Variants in LGALS1 observed in about 807,000 individuals in gnomAD.
The protein encoded by LGALS1 is galectin-1.
Under a neutral mutation model 14.4 loss-of-function variants are expected in LGALS1, and 14 were observed. The ratio of observed to expected loss-of-function variants is 0.97; its 90% CI spans 0.64 to 1.52. The LOEUF is 1.52. LGALS1 is among the 40% of genes most tolerant of loss of function. The probability of loss-of-function intolerance (pLI) is 0.00; values close to 1 mark genes in which losing one functional copy is unlikely to be tolerated. For missense variants in LGALS1, 170 were observed against 181.4 expected (o/e 0.94, Z 0.36); for synonymous variants, 71 against 73.4 (o/e 0.97, Z 0.17).
rs369951070 is a variant in LGALS1, at chr22:37,679,773, A to G, written c.*24A>G. On this transcript the variant is annotated 3_prime_UTR_variant, in exon 4 of 4. Coordinates refer to ENST00000215909, the MANE Select transcript of LGALS1 (RefSeq NM_002305.4). ...GAAATCAGCCAGCCCATGGCCCCCA[A>G]TAAAGGCAGCTGCCTCTGCTCCCTC... 7.2e-5 allele frequency: 112 copies of G among 1,565,390 alleles called. No homozygotes were observed. Among genetic ancestry groups the G allele is most frequent in the Middle Eastern group, 6.7e-4 (4 of 5,942 alleles).
chr22:37,678,167 G>A (rs777026840), intron 2 of LGALS1, among the ~76,000 whole-genome samples: 2 of 152,228 alleles, frequency 1.3e-5, no homozygotes, highest in Non-Finnish European at 1.5e-5. Context: ...GCTGGGCACC[G>A]GGAATACAGA....
intron 3 of LGALS1, among the ~76,000 whole-genome samples, 154 bp downstream of exon 3, chr22:37,678,808 C>G (rs1921531108): frequency 6.6e-6 from 1 of 152,110 alleles, no homozygotes; most frequent in Non-Finnish European, 1.5e-5. Context: ...CTCTTTGAAC[C>G]TCAGTGGTTG....
rs1373447191 is a variant in LGALS1 at position 37,676,819 on chromosome 22, T to C, written c.10-167T>C. On this transcript the variant is annotated intron_variant, in intron 1 of 3. Transcript: ENST00000215909. ...GACTTTCCCAGGACCACATAGACAA[T>C]CGGAGGCTGGAAATTACAGCTCAAT... 1.4e-5 allele frequency: 10 copies of C among 738,822 alleles called. No individual in the cohort carries two copies. In the East Asian group the frequency reaches 2.7e-4, roughly 20 times the overall value. The allele number at this position is 738,822 out of a possible 1,614,324, so 45.8% of individuals were successfully genotyped here.
chr22:37,675,638 C>G lies in LGALS1; in HGVS notation c.-65C>G. 1 of 1,535,580 alleles carries G rather than the reference C, an allele frequency of 6.5e-7. No individual in the cohort carries two copies. The highest frequency in any genetic ancestry group is 2.5e-5 in the East Asian group (1 of 40,576). ...AGGGTGGGAGCGTCCGGGGGCCCAT[C>G]TCTCTCGGGTGGAGTCTTCTGACAG... On this transcript the variant is annotated 5_prime_UTR_variant, in exon 1 of 4. The change creates a new upstream start codon in the 5' untranslated region. Coordinates refer to ENST00000215909, the MANE Select transcript of LGALS1 (RefSeq NM_002305.4).
At chr22:37,677,112 C>A in intron 2 of LGALS1, 47 bp downstream of exon 2, 2 of 1,588,306 alleles carry the variant, frequency 1.3e-6, no homozygotes, top group South Asian at 2.2e-5. Flanking sequence ...GGGCTTGGTC[C>A]AGCAGGGAGG....
chr22:37,676,923 G>A (rs761197755), intron 1 of LGALS1, 63 bp from the exon 2 acceptor site: 1 of 1,394,534 alleles, frequency 7.2e-7, no homozygotes, highest in South Asian at 1.2e-5. Context: ...AGCCACCCCC[G>A]GACACTTCGA....
In LGALS1 at chr22:37,678,441, G is replaced by C. The variant is rs376529540; in HGVS notation, c.90-42G>C. On this transcript the variant is annotated intron_variant, in intron 2 of 3. Coordinates refer to ENST00000215909, the MANE Select transcript of LGALS1 (RefSeq NM_002305.4). ...ACAGATTAGTCGGTCAGTGGGGCTG[G>C]AGCTGGCCGAGGTGGCCTCATGCCC... 2.7e-5 allele frequency: 44 copies of C among 1,609,788 alleles called. No individual in the cohort carries two copies. In the African/African-American group the frequency reaches 5.5e-4, roughly 20 times the overall value.
chr22:37,678,556 G>C lies in LGALS1; in HGVS notation c.163G>C (p.Asp55His). ...CAACCCTCGCTTCAACGCCCACGGC[G>C]ACGCCAACACCATCGTGTGCAACAG... ...HFNPRFNAHG[D>H]ANTIVCNSKD... The change falls in exon 3 of 4, where the codon GAC (aspartate) becomes CAC (histidine). Residue 55 changes from aspartate to histidine, a missense_variant. Physicochemically the swap from Asp to His is moderately conservative, Grantham distance 81 (BLOSUM62 -1). Transcript: ENST00000215909. 6.2e-7 allele frequency: 1 copy of C among 1,613,606 alleles called. No homozygotes were observed. Among genetic ancestry groups the C allele is most frequent in the Non-Finnish European group, 8.5e-7 (1 of 1,180,034 alleles).
At chr22:37,678,857 T>A (rs1247709489) in intron 3 of LGALS1, among the ~76,000 whole-genome samples, 4 of 152,098 alleles carry the variant, frequency 2.6e-5, no homozygotes, top group African/African-American at 4.8e-5. Context: ...AGGCTGGGCT[T>A]GGTGGCTCAT....
In LGALS1 at chr22:37,675,724, A is replaced by ACCC. The variant is rs374036530; in HGVS notation, c.9+20_9+22dup. 9.9e-6 allele frequency: 14 copies of ACCC among 1,408,044 alleles called. No homozygotes were observed. In the African/African-American group the frequency reaches 1.2e-4, roughly 12 times the overall value. 87.2% of individuals were successfully genotyped at this position (1,408,044 alleles called of 1,614,324 possible). On this transcript the variant is annotated intron_variant, in intron 1 of 3. Coordinates refer to ENST00000215909, the MANE Select transcript of LGALS1 (RefSeq NM_002305.4). ...AATCATGGCTTGTGTGAGTGTGGGG[A>ACCC]CCCCCCCCCAAGGTCCAGGGGATAG...
Position 37,677,973 on chromosome 22 carries a change from C to T in LGALS1, c.90-510C>T, listed in dbSNP as rs549318714. On this transcript the variant is annotated intron_variant, in intron 2 of 3. Transcript: ENST00000215909. ...CTAATTTATGTACTTTTAGTAGAGA[C>T]GGGGTTTCACCATGTTGGCCAGGCT... Among the ~76,000 whole-genome samples the T allele has an allele frequency of 1.9e-3, 294 of 152,044 alleles. 1 individual carries two copies. Among genetic ancestry groups the T allele is most frequent in the South Asian group, 5.4e-3 (26 of 4,826 alleles).
chr22:37,676,907 A>C (rs1601601589), intron 1 of LGALS1, 79 bp from the exon 2 acceptor site: 3 of 1,431,130 alleles, frequency 2.1e-6, no homozygotes, highest in Non-Finnish European at 2.9e-6. Context: ...CCCCACTCCC[A>C]CCCCCAGCCA....
chr22:37,677,113 A>C (rs771416854), intron 2 of LGALS1, 48 bp downstream of exon 2: 15 of 1,585,850 alleles, frequency 9.5e-6, no homozygotes, highest in Non-Finnish European at 6.9e-6. Flanking sequence ...GGCTTGGTCC[A>C]GCAGGGAGGG....
intron 3 of LGALS1, 38 bp from the exon 4 acceptor site, chr22:37,679,565 G>C (rs1203188772): frequency 6.5e-7 from 1 of 1,538,252 alleles, no homozygotes; most frequent in African/African-American, 1.4e-5. Context: ...AGGGCCCATG[G>C]CATGTGGGCC....
At position 37,676,003 on chromosome 22, in the gene LGALS1, G is replaced by C. The variant is rs9622680; in HGVS notation, c.9+292G>C. ...TCTCTGAGAAGTGAGCGTGGGAAGG[G>C]TGTGGCCAACTGGGGGACACCCAGG... On this transcript the variant is annotated intron_variant, in intron 1 of 3. Transcript: ENST00000215909. 1,143 of 342,108 alleles carry C rather than the reference G, an allele frequency of 3.3e-3. 16 individuals are homozygous for C. Among genetic ancestry groups the C allele is most frequent in the African/African-American group, 0.023 (1,064 of 47,260 alleles). 21.2% of individuals were successfully genotyped at this position (342,108 alleles called of 1,614,324 possible).
chr22:37,678,557 A>ACG lies in LGALS1; in HGVS notation c.166_167dup (p.Asn57ProfsTer42). The ACG allele has an allele frequency of 6.2e-7, 1 of 1,613,618 alleles. No homozygotes were observed. Among genetic ancestry groups the ACG allele is most frequent in the Middle Eastern group, 1.6e-4 (1 of 6,062 alleles). On this transcript the variant is annotated frameshift_variant, in exon 3 of 4. Coordinates refer to ENST00000215909, the MANE Select transcript of LGALS1 (RefSeq NM_002305.4). LOFTEE classifies it high-confidence loss of function. ...AACCCTCGCTTCAACGCCCACGGCG[A>ACG]CGCCAACACCATCGTGTGCAACAGC... is the stretch of plus-strand genomic sequence containing the variant.
chr22:37,676,993 T>A lies in LGALS1; in HGVS notation c.17T>A (p.Val6Asp), dbSNP rs1476153827. The A allele has an allele frequency of 6.2e-7, 1 of 1,613,948 alleles. No individual in the cohort carries two copies. The highest frequency in any genetic ancestry group is 1.1e-5 in the South Asian group (1 of 91,076). MACGLVASNLNLKPGE... is the reference protein window; with the variant it reads MACGLDASNLNLKPGE... ...CGGGGCTTGTCTGTGCAGGGTCTGGTCGCCAGCAACCTGAATCTCAAACCT... is the reference window on the plus strand; with the variant it reads ...CGGGGCTTGTCTGTGCAGGGTCTGGACGCCAGCAACCTGAATCTCAAACCT... The change falls in exon 2 of 4, where the codon GTC becomes GAC. Residue 6 changes from valine (V) to aspartate (D), a missense_variant. Val to Asp is a radical substitution (Grantham distance 152). Coordinates refer to ENST00000215909, the MANE Select transcript of LGALS1 (RefSeq NM_002305.4).
intron 3 of LGALS1, among the ~76,000 whole-genome samples, chr22:37,679,205 G>A (rs1007180529): frequency 4.0e-5 from 6 of 151,568 alleles, no homozygotes; most frequent in African/African-American, 1.5e-4. Flanking sequence ...ACCAAAGTGG[G>A]TGGATCACCT....
chr22:37,679,599 C>T lies in LGALS1; in HGVS notation c.262-4C>T. The T allele has an allele frequency of 6.2e-7, 1 of 1,602,094 alleles. No individual in the cohort carries two copies. The highest frequency in any genetic ancestry group is 8.5e-7 in the Non-Finnish European group (1 of 1,175,166). ...CCCGGCTCACTGCTCTCCTCTACCC[C>T]CAGGTGTGCATCACCTTCGACCAGG... On this transcript the variant is annotated splice_polypyrimidine_tract_variant and splice_region_variant and intron_variant, in intron 3 of 3. Coordinates refer to ENST00000215909, the MANE Select transcript of LGALS1 (RefSeq NM_002305.4).
Sources: allele counts gnomAD v4.1 joint callset (sites outside exome capture counted in the v4.1 genomes callset), GRCh38; gene constraint gnomAD v4.1.1; transcripts MANE v1.5; gene names NCBI Gene and HGNC (gene_info 2026-07-23, HGNC 2026-07-21).